SCHIP1: variants seen among roughly 807,000 people sequenced by gnomAD.
The protein encoded by SCHIP1 is schwannomin interacting protein 1, also known as schwannomin-interacting protein 1.
SCHIP1 carries 8 observed loss-of-function variants against 29.7 expected under a neutral mutation model. That is an observed-to-expected ratio of 0.27 (90% CI 0.16 to 0.49). The LOEUF is 0.49. SCHIP1 is among the 20% of genes least tolerant of loss of function. The pLI is 0.99. For missense variants in SCHIP1, 193 were observed against 294.6 expected (o/e 0.66, Z 2.52); for synonymous variants, 76 against 94.9 (o/e 0.80, Z 1.16).
chr3:159,732,164 A>G, the SCHIP1 span, among the ~76,000 whole-genome samples: 1 of 152,230 alleles, frequency 6.6e-6, no homozygotes, highest in African/African-American at 2.4e-5. Flanking sequence ...AGGAATTATT[A>G]AATTGCCTAC....
the SCHIP1 span, among the ~76,000 whole-genome samples, chr3:159,579,772 A>G: frequency 6.6e-6 from 1 of 152,302 alleles, no homozygotes; most frequent in South Asian, 2.1e-4. Context: ...TAAGTCTTCT[A>G]TTTTGTTTAA....
the SCHIP1 span, among the ~76,000 whole-genome samples, chr3:159,356,909 C>T: frequency 6.6e-6 from 1 of 152,200 alleles, no homozygotes; most frequent in Admixed American, 6.5e-5. Flanking sequence ...AATTATACTT[C>T]TCACAATGCT....
the SCHIP1 span, among the ~76,000 whole-genome samples, chr3:159,296,641 G>T: frequency 2.6e-5 from 4 of 152,066 alleles, no homozygotes; most frequent in East Asian, 3.9e-4. Context: ...TGGGCATGGT[G>T]GGGGGATACC....
chr3:159,856,128 T>G (rs911867989), intron 1 of SCHIP1, among the ~76,000 whole-genome samples: 1 of 152,304 alleles, frequency 6.6e-6, no homozygotes, highest in East Asian at 1.9e-4. Flanking sequence ...GATCCCCTGA[T>G]AAAGAACCAC....
the SCHIP1 span, among the ~76,000 whole-genome samples, chr3:159,593,705 TGAA>T: frequency 0.17 from 25,212 of 151,612 alleles, 6,284 homozygotes; most frequent in African/African-American, 0.54. Context: ...AGAAGAGATC[TGAA>T]GAAGAAGAAG....
At chr3:159,877,410 A>G (rs1168327266) in intron 2 of SCHIP1, among the ~76,000 whole-genome samples, 1 of 152,234 alleles carries the variant, frequency 6.6e-6, no homozygotes, top group African/African-American at 2.4e-5. Flanking sequence ...AATCAATGCA[A>G]TCTTATTGAT....
the SCHIP1 span, among the ~76,000 whole-genome samples, chr3:159,488,122 C>T: frequency 2.2e-4 from 33 of 151,054 alleles, 1 homozygote; most frequent in African/African-American, 7.8e-4. Context: ...TTCTCACTCA[C>T]ATGTGGGAGC....
chr3:159,538,068 C>T, the SCHIP1 span, among the ~76,000 whole-genome samples: 6,701 of 152,158 alleles, frequency 0.044, 218 homozygotes, highest in Non-Finnish European at 0.061. Context: ...AAAGAAACCA[C>T]GAAAGCAGAG....
At chr3:159,762,936 G>A in the SCHIP1 span, among the ~76,000 whole-genome samples, 1 of 152,190 alleles carries the variant, frequency 6.6e-6, no homozygotes, top group Non-Finnish European at 1.5e-5. Context: ...CTTGATTGGA[G>A]GTGGCGGAAA....
the SCHIP1 span, among the ~76,000 whole-genome samples, chr3:159,448,882 C>G: frequency 6.6e-6 from 1 of 152,156 alleles, no homozygotes. Context: ...GCCAGCATGA[C>G]AGCCAGGAAT....
At chr3:159,708,047 A>G in the SCHIP1 span, among the ~76,000 whole-genome samples, 1 of 152,090 alleles carries the variant, frequency 6.6e-6, no homozygotes, top group Non-Finnish European at 1.5e-5. Context: ...CCTATATTCC[A>G]GAACACAAAG....
At chr3:159,879,818 T>A (rs1395860198) in intron 2 of SCHIP1, among the ~76,000 whole-genome samples, 1 of 152,138 alleles carries the variant, frequency 6.6e-6, no homozygotes, top group Non-Finnish European at 1.5e-5. Flanking sequence ...CTCTGGAGAT[T>A]CGGGTTAGGA....
chr3:159,529,871 C>T, the SCHIP1 span, among the ~76,000 whole-genome samples: 1 of 152,132 alleles, frequency 6.6e-6, no homozygotes, highest in East Asian at 1.9e-4. Flanking sequence ...TCTTTCTGTG[C>T]CTGACTTGTT....
chr3:159,606,180 G>A, the SCHIP1 span, among the ~76,000 whole-genome samples: 4 of 152,104 alleles, frequency 2.6e-5, no homozygotes, highest in Non-Finnish European at 5.9e-5. Flanking sequence ...AGATTTTACG[G>A]ACTAGTACAT....
At chr3:159,411,613 C>A in the SCHIP1 span, among the ~76,000 whole-genome samples, 2 of 152,050 alleles carry the variant, frequency 1.3e-5, no homozygotes, top group Non-Finnish European at 2.9e-5. Flanking sequence ...ACTCTTAATT[C>A]TTTATTAAAC....
chr3:159,371,073 G>C, the SCHIP1 span, among the ~76,000 whole-genome samples: 2 of 152,032 alleles, frequency 1.3e-5, no homozygotes, highest in African/African-American at 2.4e-5. Flanking sequence ...TGATTGATTA[G>C]AATGAGAGCT....
chr3:159,283,131 G>T, the SCHIP1 span, among the ~76,000 whole-genome samples: 1 of 152,066 alleles, frequency 6.6e-6, no homozygotes, highest in Admixed American at 6.5e-5. Context: ...TATCAGGAAA[G>T]ATTTGAAATT....
At chr3:159,434,293 C>T in the SCHIP1 span, among the ~76,000 whole-genome samples, 1 of 152,122 alleles carries the variant, frequency 6.6e-6, no homozygotes, top group African/African-American at 2.4e-5. Context: ...CCCTCTGGGA[C>T]ACTGAGAGAG....
At chr3:159,314,576 A>G in the SCHIP1 span, among the ~76,000 whole-genome samples, 20 of 152,312 alleles carry the variant, frequency 1.3e-4, 1 homozygote, top group African/African-American at 4.8e-4. Flanking sequence ...ACCTCTGGAC[A>G]TAGGTATGTC....
Sources: gnomAD v4.1 joint callset for allele counts (sites outside exome capture counted in the v4.1 genomes callset) on GRCh38, gnomAD v4.1.1 for gene constraint, MANE v1.5 for transcripts, NCBI Gene and HGNC (gene_info 2026-07-23, HGNC 2026-07-21) for gene names.